Variants in SMG7 observed in about 807,000 individuals in gnomAD.
SMG7 encodes SMG7 nonsense mediated mRNA decay factor.
Under a neutral mutation model 148.2 loss-of-function variants are expected in SMG7, and 34 were observed. That is an observed-to-expected ratio of 0.23 (90% CI 0.17 to 0.31). The LOEUF is 0.31. Among genes scored for constraint, SMG7 ranks in the 10% least tolerant of loss-of-function variants. The pLI is 1.00. For synonymous variants in SMG7, 492 were observed against 515.1 expected (o/e 0.96, Z 0.61); for missense variants, 1,114 against 1,408.4 (o/e 0.79, Z 3.35).
chr1:183,527,940 A>G lies in SMG7; in HGVS notation c.485-16A>G, dbSNP rs1407557612. On this transcript the variant is annotated splice_polypyrimidine_tract_variant and intron_variant, in intron 5 of 22. Transcript: ENST00000688051. The surrounding 1 kb of genome is among the most constrained non-coding windows in gnomAD (Gnocchi z 4.0). Reference sequence around the variant, plus strand: ...TTGTTTTTTGGGTTTTTTAAAACTAATTTTCTTCTTCTTAGCTCGATACAG... The same window carrying G: ...TTGTTTTTTGGGTTTTTTAAAACTAGTTTTCTTCTTCTTAGCTCGATACAG... 2 of 1,610,090 alleles carry G rather than the reference A, an allele frequency of 1.2e-6. No individual in the cohort carries two copies. Among genetic ancestry groups the G allele is most frequent in the East Asian group, 4.5e-5 (2 of 44,758 alleles).
intron 11 of SMG7, among the ~76,000 whole-genome samples, chr1:183,537,995 A>C (rs1668104061): frequency 6.6e-6 from 1 of 152,214 alleles, no homozygotes; most frequent in South Asian, 2.1e-4. Flanking sequence ...GGTTTGAATT[A>C]GTGCCCAAGA....
chr1:183,488,310 C>A (rs1171672351), intron 1 of SMG7, among the ~76,000 whole-genome samples: 3 of 152,006 alleles, frequency 2.0e-5, no homozygotes, highest in Non-Finnish European at 4.4e-5. Flanking sequence ...ATATGGTACC[C>A]ACTGGCCACA....
chr1:183,524,313 T>G (rs1665387734), intron 4 of SMG7, among the ~76,000 whole-genome samples: 1 of 152,076 alleles, frequency 6.6e-6, no homozygotes. Context: ...TAGAGACAGA[T>G]TCTTGCTTTG....
At chr1:183,489,568 A>G (rs890355161) in intron 1 of SMG7, among the ~76,000 whole-genome samples, 1 of 152,204 alleles carries the variant, frequency 6.6e-6, no homozygotes, top group African/African-American at 2.4e-5. Flanking sequence ...AAAAGGGAAT[A>G]TTTAATGAAT....
In SMG7 at chr1:183,545,083, C is replaced by A; in HGVS notation, c.2141C>A (p.Ser714Tyr). ...AGNQVQAGKQSHIPYSQQRPS... is the reference protein window; with the variant it reads ...AGNQVQAGKQYHIPYSQQRPS... Reference sequence around the variant, plus strand: ...AACCAGGTGCAAGCTGGGAAACAGTCCCACATTCCTTACAGCCAGCAACGG... The same window carrying A: ...AACCAGGTGCAAGCTGGGAAACAGTACCACATTCCTTACAGCCAGCAACGG... The change falls in exon 16 of 23, where the codon TCC becomes TAC. Residue 714 changes from serine to tyrosine, a missense_variant. Transcript: ENST00000688051. 1 of 1,614,110 alleles carries A rather than the reference C, an allele frequency of 6.2e-7. No homozygotes were observed. The highest frequency in any genetic ancestry group is 8.5e-7 in the Non-Finnish European group (1 of 1,180,002).
chr1:183,542,971 AT>A (rs1491370471), intron 14 of SMG7, among the ~76,000 whole-genome samples: 7 of 117,012 alleles, frequency 6.0e-5, no homozygotes, highest in South Asian at 2.5e-4. Flanking sequence ...GTGTGTGTGT[AT>A]TTTTTTTCTT....
chr1:183,530,291 T>G (rs1220225108), intron 8 of SMG7, among the ~76,000 whole-genome samples: 1 of 152,180 alleles, frequency 6.6e-6, no homozygotes, highest in Non-Finnish European at 1.5e-5. Flanking sequence ...TTCTGTAAGT[T>G]CTTTATAAGT....
intron 1 of SMG7, among the ~76,000 whole-genome samples, chr1:183,492,569 G>C (rs1330924064): frequency 6.6e-6 from 1 of 152,156 alleles, no homozygotes; most frequent in Non-Finnish European, 1.5e-5. Context: ...TAGCCTGCCA[G>C]TTTCTAACGA....
At chr1:183,498,803 G>T (rs1033670650) in intron 1 of SMG7, among the ~76,000 whole-genome samples, 1 of 152,180 alleles carries the variant, frequency 6.6e-6, no homozygotes, top group African/African-American at 2.4e-5. Flanking sequence ...CACTCTTGGT[G>T]TTGTACACTC....
chr1:183,541,179 C>G, intron 13 of SMG7, 76 bp downstream of exon 13: 1 of 1,254,698 alleles, frequency 8.0e-7, no homozygotes, highest in Non-Finnish European at 1.1e-6. Flanking sequence ...CGCGCGCGCA[C>G]ACACACACAT....
At chr1:183,475,616 A>C (rs1651962354) in intron 1 of SMG7, among the ~76,000 whole-genome samples, 1 of 152,190 alleles carries the variant, frequency 6.6e-6, no homozygotes, top group South Asian at 2.1e-4. Flanking sequence ...AGACTTCAAA[A>C]TTGGTCCTTT....
intron 8 of SMG7, among the ~76,000 whole-genome samples, chr1:183,531,151 G>A (rs1666779923): frequency 6.6e-6 from 1 of 152,116 alleles, no homozygotes; most frequent in Admixed American, 6.6e-5. Context: ...ACATAGTGGA[G>A]TAAAATTTCC....
At chr1:183,489,577 A>G (rs1656412737) in intron 1 of SMG7, among the ~76,000 whole-genome samples, 2 of 152,278 alleles carry the variant, frequency 1.3e-5, no homozygotes, top group African/African-American at 4.8e-5. Flanking sequence ...TATTTAATGA[A>G]TATCTATGGT....
At chr1:183,544,833 G>A in intron 15 of SMG7, 97 bp from the exon 16 acceptor site, 1 of 1,224,378 alleles carries the variant, frequency 8.2e-7, no homozygotes. Flanking sequence ...TGATGTGTTA[G>A]AAGACTCCCT....
At chr1:183,550,049 T>A in intron 20 of SMG7, 126 bp downstream of exon 20, 1 of 708,848 alleles carries the variant, frequency 1.4e-6, no homozygotes, top group Non-Finnish European at 2.2e-6. Flanking sequence ...TGTTTGTTTG[T>A]TTTTGTAACT....
intron 1 of SMG7, among the ~76,000 whole-genome samples, chr1:183,476,556 AG>A (rs1189094494): frequency 6.6e-6 from 1 of 152,200 alleles, no homozygotes; most frequent in Non-Finnish European, 1.5e-5. Flanking sequence ...TTCAACATCA[AG>A]GGAACTGAAT....
At chr1:183,520,529 C>A (rs765697197) in intron 4 of SMG7, among the ~76,000 whole-genome samples, 13 of 151,938 alleles carry the variant, frequency 8.6e-5, no homozygotes, top group Non-Finnish European at 1.9e-4. Flanking sequence ...ATTTCCTTCC[C>A]CCATGAATAG....
In SMG7 at chr1:183,552,629, C is replaced by G; in HGVS notation, c.*698C>G. 1 of 1,058,340 alleles carries G rather than the reference C, an allele frequency of 9.4e-7. No homozygotes were observed. The highest frequency in any genetic ancestry group is 3.3e-5 in the South Asian group (1 of 30,114). 65.6% of individuals were successfully genotyped at this position (1,058,340 alleles called of 1,614,324 possible). Reference sequence around the variant, plus strand: ...GGCCAGGAGACTCCAGCAGGGAATGCCCTTCACTCTGTAGGTGCTCGAGCC... The same window carrying G: ...GGCCAGGAGACTCCAGCAGGGAATGGCCTTCACTCTGTAGGTGCTCGAGCC... On this transcript the variant is annotated 3_prime_UTR_variant, in exon 23 of 23. Coordinates refer to ENST00000688051, the MANE Select transcript of SMG7 (RefSeq NM_001375584.1).
chr1:183,529,663 T>C, intron 8 of SMG7, 130 bp downstream of exon 8: 1 of 691,604 alleles, frequency 1.4e-6, no homozygotes, highest in Non-Finnish European at 2.4e-6. Context: ...ATTCGAAGTA[T>C]GTGAAATCTT....
Sources: allele counts gnomAD v4.1 joint callset (sites outside exome capture counted in the v4.1 genomes callset), GRCh38; gene constraint gnomAD v4.1.1; non-coding constraint Gnocchi (gnomAD v3.1); transcripts MANE v1.5; gene names NCBI Gene and HGNC (gene_info 2026-07-23, HGNC 2026-07-21).